Variants in ZNF134 observed in about 807,000 individuals in gnomAD.
The protein encoded by ZNF134 is zinc finger protein 134 (clone pHZ-15).
In ZNF134, 5 loss-of-function variants were observed where a neutral mutation model predicts 2.5. That is an observed-to-expected ratio of 2.03 (90% CI 1.06 to 4.27). The LOEUF is 4.27. Ranked by LOEUF, ZNF134 falls within the 30% of genes most tolerant of loss-of-function variation. The pLI, the probability that ZNF134 is intolerant of heterozygous loss-of-function variation, is 0.00. For missense variants in ZNF134, 540 were observed against 517.5 expected, an observed-to-expected ratio of 1.04 and a Z score of -0.42; for synonymous variants, 176 against 176.2, an observed-to-expected ratio of 1.00 and a Z score of 0.01.
At chr19:57,615,662 C>A (rs1036811765) in intron 1 of ZNF134, among the ~76,000 whole-genome samples, 1 of 152,200 alleles carries the variant, frequency 6.6e-6, no homozygotes, top group African/African-American at 2.4e-5. Flanking sequence ...GTCACTCCCC[C>A]ATGGGCTGGG....
In ZNF134 at chr19:57,620,642, C is replaced by T; in HGVS notation, c.523C>T (p.His175Tyr). ...GGATGCATTTCATGGTGAACAAATG[C>T]ATTACAAGTGCAGTGAATGTGGGAA... ...SGDAFHGEQM[H>Y]YKCSECGKAF... The change falls in exon 3 of 3, where the codon CAT becomes TAT. Residue 175 changes from histidine (H) to tyrosine (Y), a missense_variant. By Grantham distance (83) the His-to-Tyr change is moderately conservative. Transcript: ENST00000396161. 6.2e-7 allele frequency: 1 copy of T among 1,614,176 alleles called. No homozygotes were observed. The highest frequency in any genetic ancestry group is 1.3e-5 in the African/African-American group (1 of 75,038).
In ZNF134 at chr19:57,614,256, G is replaced by A. The variant is rs573408208; in HGVS notation, c.-305G>A. The A allele has an allele frequency of 9.3e-6, 4 of 427,862 alleles. No homozygotes were observed. In the East Asian group the frequency reaches 2.3e-4, roughly 25 times the overall value. The allele number at this position is 427,862 out of a possible 1,614,324, so 26.5% of individuals were successfully genotyped here. A position where few individuals can be genotyped will look rare whatever the true frequency, so the allele number is the denominator to read the frequency against. The stretch of plus-strand genomic sequence containing the variant: ...GTATCTTCCTCGCGGTGGACATCTT[G>A]TCGGCTCTTAGGTGGAACCATCGGA... On this transcript the variant is annotated 5_prime_UTR_variant, in exon 1 of 3. Transcript: ENST00000396161.
In ZNF134 at chr19:57,614,248, G is replaced by A. The variant is rs1402791592; in HGVS notation, c.-313G>A. The A allele has an allele frequency of 7.1e-6, 3 of 420,762 alleles. No homozygotes were observed. Among genetic ancestry groups the A allele is most frequent in the South Asian group, 1.6e-5 (1 of 61,000 alleles). The allele number at this position is 420,762 out of a possible 1,614,324, so 26.1% of individuals were successfully genotyped here. On this transcript the variant is annotated 5_prime_UTR_variant, in exon 1 of 3. Coordinates refer to ENST00000396161, the MANE Select transcript of ZNF134 (RefSeq NM_003435.5). ...GACTTCCGGTATCTTCCTCGCGGTG[G>A]ACATCTTGTCGGCTCTTAGGTGGAA...
At position 57,620,247 on chromosome 19, in the gene ZNF134, GT is replaced by G; in HGVS notation, c.131del (p.Leu44CysfsTer16). The part of the protein sequence containing the change: ...AVSHVNTSKA[G>X]LPAQTALPCD... ...TCACATGTTAATACTTCCAAGGCAG[GT>G]TTGCCCGCACAGACGGCTCTCCCTT... On this transcript the variant is annotated frameshift_variant, in exon 3 of 3. Transcript: ENST00000396161. LOFTEE classifies it low-confidence loss of function (END_TRUNC). The G allele has an allele frequency of 1.9e-6, 3 of 1,614,180 alleles. No individual in the cohort carries two copies. Among genetic ancestry groups the G allele is most frequent in the Non-Finnish European group, 2.5e-6 (3 of 1,180,028 alleles).
Position 57,616,962 on chromosome 19 carries a change from A to G in ZNF134, c.-57-2450A>G, listed in dbSNP as rs76606963. On this transcript the variant is annotated intron_variant, in intron 1 of 2. Coordinates refer to ENST00000396161, the MANE Select transcript of ZNF134 (RefSeq NM_003435.5). Reference sequence around the variant, plus strand: ...TCTGTGTTGTAAATTCTGTTTTGGAATTATGTGGAAGGGTTTCTATTTCTG... The same window carrying G: ...TCTGTGTTGTAAATTCTGTTTTGGAGTTATGTGGAAGGGTTTCTATTTCTG... Among the ~76,000 whole-genome samples, 20 of 152,262 alleles carry G rather than the reference A, an allele frequency of 1.3e-4. No homozygotes were observed. The East Asian group carries it at 3.9e-3, about 29-fold the overall frequency.
Position 57,621,036 on chromosome 19 carries a change from A to C in ZNF134, c.917A>C (p.His306Pro). The change falls in exon 3 of 3, where the codon CAT becomes CCT. Residue 306 changes from histidine (H) to proline (P), a missense_variant. Physicochemically the swap from His to Pro is moderately conservative, Grantham distance 77. Coordinates refer to ENST00000396161, the MANE Select transcript of ZNF134 (RefSeq NM_003435.5). The part of the protein sequence containing the change: ...VFRHKSTLVQ[H>P]ESIHTGENPY... The stretch of plus-strand genomic sequence containing the variant: ...AGACACAAATCTACACTTGTTCAGC[A>C]TGAGAGTATTCACACTGGAGAAAAT... The C allele has an allele frequency of 6.2e-7, 1 of 1,614,242 alleles. No homozygotes were observed. Among genetic ancestry groups the C allele is most frequent in the Non-Finnish European group, 8.5e-7 (1 of 1,180,038 alleles).
intron 1 of ZNF134, among the ~76,000 whole-genome samples, chr19:57,616,933 A>G (rs1981067557): frequency 6.6e-6 from 1 of 152,052 alleles, no homozygotes; most frequent in South Asian, 2.1e-4. Flanking sequence ...CAGTCACCCA[A>G]AGCTCTGTGT....
intron 1 of ZNF134, among the ~76,000 whole-genome samples, chr19:57,617,401 A>G (rs952363933): frequency 6.6e-6 from 1 of 152,194 alleles, no homozygotes; most frequent in Admixed American, 6.5e-5. Context: ...GACCAACCAG[A>G]TTTTCTGATG....
Position 57,624,306 on chromosome 19 carries a change from A to G in ZNF134, c.*2903A>G, listed in dbSNP as rs957512381. ...ACTAGTTTTCTAGTTTTACAGATCCAAATGAGACAGGAATAGCACTGGGTG... is the reference window on the plus strand; with the variant it reads ...ACTAGTTTTCTAGTTTTACAGATCCGAATGAGACAGGAATAGCACTGGGTG... On this transcript the variant is annotated 3_prime_UTR_variant, in exon 3 of 3. Transcript: ENST00000396161. 2.0e-5 allele frequency: 3 copies of G among 152,200 alleles called. No individual in the cohort carries two copies. Among genetic ancestry groups the G allele is most frequent in the Non-Finnish European group, 4.4e-5 (3 of 68,046 alleles). 9.4% of individuals were successfully genotyped at this position (152,200 alleles called of 1,614,324 possible).
intron 2 of ZNF134, 70 bp downstream of exon 2, chr19:57,619,578 C>T (rs1176209673): frequency 1.3e-6 from 2 of 1,491,144 alleles, no homozygotes; most frequent in Non-Finnish European, 1.8e-6. Context: ...CTATGTTGTG[C>T]CCATCACAAG....
chr19:57,616,531 G>A (rs1981056383), intron 1 of ZNF134, among the ~76,000 whole-genome samples: 2 of 152,164 alleles, frequency 1.3e-5, no homozygotes, highest in African/African-American at 4.8e-5. Context: ...CTATGAGGTG[G>A]GTGCCATTAT....
rs1218958605 is a variant in ZNF134 at position 57,619,660 on chromosome 19, C to T, written c.40+152C>T. On this transcript the variant is annotated intron_variant, in intron 2 of 2. Transcript: ENST00000396161. Reference sequence around the variant, plus strand: ...TCTGTACACTCTTGTCATTTCTAATCTGACTTCTGACCCAGGGCTGTCTTC... The same window carrying T: ...TCTGTACACTCTTGTCATTTCTAATTTGACTTCTGACCCAGGGCTGTCTTC... The T allele has an allele frequency of 4.6e-6, 4 of 873,632 alleles. No individual in the cohort carries two copies. The African/African-American group carries it at 5.1e-5, about 11-fold the overall frequency. The allele number at this position is 873,632 out of a possible 1,614,324, so 54.1% of individuals were successfully genotyped here. A position where few individuals can be genotyped will look rare whatever the true frequency, so the allele number is the denominator to read the frequency against.
chr19:57,614,510 G>T lies in ZNF134; in HGVS notation c.-58+7G>T. 1 of 362,166 alleles carries T rather than the reference G, an allele frequency of 2.8e-6. No individual in the cohort carries two copies. The highest frequency in any genetic ancestry group is 5.4e-6 in the Non-Finnish European group (1 of 184,982). The allele number at this position is 362,166 out of a possible 1,614,324, so 22.4% of individuals were successfully genotyped here. A position where few individuals can be genotyped will look rare whatever the true frequency, so the allele number is the denominator to read the frequency against. On this transcript the variant is annotated splice_region_variant and intron_variant, in intron 1 of 2. Coordinates refer to ENST00000396161, the MANE Select transcript of ZNF134 (RefSeq NM_003435.5). Reference sequence around the variant, plus strand: ...GGTGATGGGCCCGGCGCAGGTGGGTGCTGCCTTTCCCAGACTTTCGCCCGC... The same window carrying T: ...GGTGATGGGCCCGGCGCAGGTGGGTTCTGCCTTTCCCAGACTTTCGCCCGC...
intron 1 of ZNF134, among the ~76,000 whole-genome samples, chr19:57,618,601 C>T (rs894631601): frequency 6.6e-6 from 1 of 152,142 alleles, no homozygotes; most frequent in Admixed American, 6.5e-5. Flanking sequence ...GTCCACTTGC[C>T]TGTTCTGAGC....
chr19:57,623,686 C>A lies in ZNF134; in HGVS notation c.*2283C>A, dbSNP rs1451686219. 2 of 152,150 alleles carry A rather than the reference C, an allele frequency of 1.3e-5. No homozygotes were observed. Among genetic ancestry groups the A allele is most frequent in the East Asian group, 1.9e-4 (1 of 5,192 alleles). 9.4% of individuals were successfully genotyped at this position (152,150 alleles called of 1,614,324 possible). A position where few individuals can be genotyped will look rare whatever the true frequency, so the allele number is the denominator to read the frequency against. ...AAACATACATCAGAACACTGTCACA[C>A]AAAAAGCTCTTTGAAGAGATTAAAT... On this transcript the variant is annotated 3_prime_UTR_variant, in exon 3 of 3. Transcript: ENST00000396161.
chr19:57,614,924 C>T (rs1407765707), intron 1 of ZNF134, among the ~76,000 whole-genome samples: 4 of 152,010 alleles, frequency 2.6e-5, no homozygotes, highest in Admixed American at 6.6e-5. Context: ...CAACAAACTC[C>T]AGAAGTGTTG....
chr19:57,616,808 C>T (rs781360141), intron 1 of ZNF134, among the ~76,000 whole-genome samples: 4 of 152,158 alleles, frequency 2.6e-5, no homozygotes, highest in Non-Finnish European at 5.9e-5. Context: ...AGTAGATTGT[C>T]TCAGGCCCTC....
chr19:57,616,560 G>A (rs1008694520), intron 1 of ZNF134, among the ~76,000 whole-genome samples: 1 of 152,224 alleles, frequency 6.6e-6, no homozygotes, highest in Admixed American at 6.5e-5. Context: ...CTTTTAAGAT[G>A]AGGACACTCA....
Position 57,620,655 on chromosome 19 carries a change from G to A in ZNF134, c.536G>A (p.Ser179Asn), listed in dbSNP as rs1191745722. Residue 179 changes from serine (S) to asparagine (N), a missense_variant, in exon 3 of 3, where the codon AGT becomes AAT. Transcript: ENST00000396161. The stretch of plus-strand genomic sequence containing the variant: ...GGTGAACAAATGCATTACAAGTGCA[G>A]TGAATGTGGGAAAGCTTTCAGCCGC... Reference protein sequence around the residue: ...FHGEQMHYKCSECGKAFSRKD... With the variant: ...FHGEQMHYKCNECGKAFSRKD... 3 of 1,614,110 alleles carry A rather than the reference G, an allele frequency of 1.9e-6. No individual in the cohort carries two copies. Among genetic ancestry groups the A allele is most frequent in the African/African-American group, 2.7e-5 (2 of 74,934 alleles).
Sources: gnomAD v4.1 joint callset for allele counts (sites outside exome capture counted in the v4.1 genomes callset) on GRCh38, gnomAD v4.1.1 for gene constraint, MANE v1.5 for transcripts, NCBI Gene and HGNC (gene_info 2026-07-23, HGNC 2026-07-21) for gene names.